The following GRXCR2 variants were observed in gnomAD, a reference collection of about 807,000 sequenced individuals.
GRXCR2 encodes glutaredoxin and cysteine rich domain containing 2, also known as glutaredoxin domain-containing cysteine-rich protein 2.
Under a neutral mutation model 24.8 loss-of-function variants are expected in GRXCR2, and 23 were observed. That is an observed-to-expected ratio of 0.93 (90% CI 0.67 to 1.32). The LOEUF is 1.32. GRXCR2 is among the 40% of genes most tolerant of loss of function. The pLI, the probability that GRXCR2 is intolerant of heterozygous loss-of-function variation, is 0.00. For missense variants in GRXCR2, 315 were observed against 303.4 expected, an observed-to-expected ratio of 1.04 and a Z score of -0.28; for synonymous variants, 130 against 116.1, an observed-to-expected ratio of 1.12 and a Z score of -0.77.
At chr5:145,861,375 G>C (rs1490510875) in intron 2 of GRXCR2, among the ~76,000 whole-genome samples, 1 of 152,150 alleles carries the variant, frequency 6.6e-6, no homozygotes, top group African/African-American at 2.4e-5. Flanking sequence ...TCTTTCATCA[G>C]GATCTTGTTC....
intron 2 of GRXCR2, among the ~76,000 whole-genome samples, chr5:145,908,184 C>T (rs986653852): frequency 6.6e-6 from 1 of 152,076 alleles, no homozygotes; most frequent in African/African-American, 2.4e-5. Context: ...TCTCAGAAGT[C>T]GATTCTAAAT....
At chr5:145,905,436 GTTATTCATTCATTT>G (rs963802734) in intron 2 of GRXCR2, among the ~76,000 whole-genome samples, 4 of 152,134 alleles carry the variant, frequency 2.6e-5, no homozygotes, top group African/African-American at 9.7e-5. Context: ...AATTTGGTTT[GTTATTCATTCATTT>G]TTATTAGAGA....
intron 2 of GRXCR2, among the ~76,000 whole-genome samples, chr5:145,905,853 A>G (rs1757084543): frequency 6.6e-6 from 1 of 152,232 alleles, no homozygotes; most frequent in Admixed American, 6.5e-5. Context: ...ATAAATAAAT[A>G]AATGAATGAA....
intron 2 of GRXCR2, among the ~76,000 whole-genome samples, chr5:145,902,097 T>G (rs1017566834): frequency 2.0e-5 from 3 of 151,890 alleles, no homozygotes; most frequent in Non-Finnish European, 4.4e-5. Context: ...ATATAACCAG[T>G]CTTCTTTTTT....
intron 2 of GRXCR2, among the ~76,000 whole-genome samples, chr5:145,863,614 G>A (rs908979862): frequency 1.3e-5 from 2 of 152,146 alleles, no homozygotes; most frequent in African/African-American, 4.8e-5. Context: ...GGAAGGTAGC[G>A]CTTTGGATCA....
intron 2 of GRXCR2, among the ~76,000 whole-genome samples, chr5:145,920,062 T>G (rs1757302457): frequency 6.6e-6 from 1 of 152,072 alleles, no homozygotes; most frequent in Non-Finnish European, 1.5e-5. Context: ...ACACTGAGTC[T>G]CTCCTCCTCA....
At chr5:145,862,707 T>C (rs967227718) in intron 2 of GRXCR2, among the ~76,000 whole-genome samples, 16 of 152,276 alleles carry the variant, frequency 1.1e-4, no homozygotes, top group African/African-American at 3.1e-4. Context: ...CCAGTGCCAA[T>C]TGAGACTGCA....
At chr5:145,908,362 C>T (rs1295707206) in intron 2 of GRXCR2, among the ~76,000 whole-genome samples, 1 of 152,002 alleles carries the variant, frequency 6.6e-6, no homozygotes, top group Non-Finnish European at 1.5e-5. Flanking sequence ...CTGGAAATTC[C>T]TAGGATGTAC....
In GRXCR2 at chr5:145,880,646, G is replaced by C. The variant is rs637859; in HGVS notation, c.-69-13918C>G. Among the ~76,000 whole-genome samples, 969 of 152,184 alleles carry C rather than the reference G, an allele frequency of 6.4e-3. 9 individuals are homozygous for C. The highest frequency in any genetic ancestry group is 0.022 in the African/African-American group (909 of 41,540). ...CCATTCCTTCTGAAACTATTCCAAT[G>C]AATAGAAAAAGAGGGAATCCTCCCT... On this transcript the variant is annotated intron_variant, in intron 2 of 3. Coordinates refer to the GRXCR2 transcript ENST00000639411.
chr5:145,861,555 G>A (rs544554120), intron 2 of GRXCR2, among the ~76,000 whole-genome samples: 3 of 152,098 alleles, frequency 2.0e-5, no homozygotes, highest in East Asian at 3.9e-4. Context: ...ACTGCCCCTC[G>A]CATGACAGGT....
At chr5:145,925,408 G>A (rs1757376678) in intron 2 of GRXCR2, among the ~76,000 whole-genome samples, 1 of 152,136 alleles carries the variant, frequency 6.6e-6, no homozygotes, top group South Asian at 2.1e-4. Flanking sequence ...ACAAGCCTGG[G>A]AAGTACTTGT....
At chr5:145,923,040 T>C (rs1460302699) in intron 2 of GRXCR2, among the ~76,000 whole-genome samples, 2 of 152,246 alleles carry the variant, frequency 1.3e-5, no homozygotes, top group African/African-American at 2.4e-5. Context: ...ACCCGGAAAC[T>C]AGTTGAAAAT....
intron 2 of GRXCR2, among the ~76,000 whole-genome samples, chr5:145,913,125 C>T (rs1297955884): frequency 1.3e-5 from 2 of 152,162 alleles, no homozygotes; most frequent in Non-Finnish European, 2.9e-5. Context: ...TTCCTGCCAT[C>T]GTTAACATCT....
At chr5:145,877,167 C>T (rs1489905104), upstream of GRXCR2, among the ~76,000 whole-genome samples, 3 of 151,980 alleles carry the variant, frequency 2.0e-5, no homozygotes, top group East Asian at 5.8e-4. Flanking sequence ...AAAGATACTC[C>T]CCTAAATATT....
chr5:145,889,098 A>T (rs988609033), intron 2 of GRXCR2, among the ~76,000 whole-genome samples: 1 of 151,824 alleles, frequency 6.6e-6, no homozygotes, highest in African/African-American at 2.4e-5. Flanking sequence ...CTGGAGGCAG[A>T]GGTTGCAGTG....
Position 145,859,569 on chromosome 5 carries a change from G to A in GRXCR2, c.*164C>T, listed in dbSNP as rs1383263787. 6 of 634,182 alleles carry A rather than the reference G, an allele frequency of 9.5e-6. No individual in the cohort carries two copies. Among genetic ancestry groups the A allele is most frequent in the East Asian group, 2.8e-5 (1 of 36,258 alleles). The allele number at this position is 634,182 out of a possible 1,614,324, so 39.3% of individuals were successfully genotyped here. A position where few individuals can be genotyped will look rare whatever the true frequency, so the allele number is the denominator to read the frequency against. On this transcript the variant is annotated 3_prime_UTR_variant, in exon 3 of 3. Transcript: ENST00000377976. ...CTTAGACCCACAGAGAGATGTTACC[G>A]GCCTCACAAAATGTCATCAGATAAT...
intron 2 of GRXCR2, among the ~76,000 whole-genome samples, chr5:145,888,895 C>A (rs888580953): frequency 6.6e-6 from 1 of 151,928 alleles, no homozygotes; most frequent in Non-Finnish European, 1.5e-5. Flanking sequence ...CACAATGGGC[C>A]GGGTGCAGTG....
intron 2 of GRXCR2, among the ~76,000 whole-genome samples, chr5:145,913,020 T>C (rs1019064103): frequency 1.3e-5 from 2 of 152,252 alleles, no homozygotes; most frequent in African/African-American, 4.8e-5. Context: ...TTAGCATCTA[T>C]CCTTTTTAAA....
At position 145,863,238 on chromosome 5, in the gene GRXCR2, G is replaced by A. The variant is rs1373237520; in HGVS notation, c.564+3263C>T. The stretch of plus-strand genomic sequence containing the variant: ...AACAAAGAGGCTCTTGGTCAGAAGG[G>A]GCTCCTTGATGTTCTTTGACCTTCT... On this transcript the variant is annotated intron_variant, in intron 2 of 2. Transcript: ENST00000377976. 2.6e-5 allele frequency among the ~76,000 whole-genome samples: 4 copies of A among 152,186 alleles called. 1 individual carries two copies. The highest frequency in any genetic ancestry group is 1.3e-4 in the Admixed American group (2 of 15,270).
Sources: allele counts gnomAD v4.1 joint callset (sites outside exome capture counted in the v4.1 genomes callset), GRCh38; gene constraint gnomAD v4.1.1; transcripts MANE v1.5; gene names NCBI Gene and HGNC (gene_info 2026-07-23, HGNC 2026-07-21).